TXLNB: variants seen among roughly 807,000 people sequenced by gnomAD.
TXLNB encodes taxilin beta.
In TXLNB, 37 loss-of-function variants were observed where a neutral mutation model predicts 57.4. The ratio of observed to expected loss-of-function variants is 0.64; its 90% CI spans 0.50 to 0.85. The LOEUF is 0.85. TXLNB is among the 40% of genes least tolerant of loss of function. The pLI, the probability that TXLNB is intolerant of heterozygous loss-of-function variation, is 0.00. For missense variants in TXLNB, 848 were observed against 825.6 expected (o/e 1.03, Z -0.33); for synonymous variants, 302 against 309.6 (o/e 0.98, Z 0.26).
At chr6:139,255,401 T>C (rs1301183578) in intron 7 of TXLNB, 163 bp downstream of exon 7, 4 of 695,980 alleles carry the variant, frequency 5.7e-6, no homozygotes, top group Non-Finnish European at 1.1e-5. Flanking sequence ...GCTTTTATTT[T>C]TACTTGAAAA....
rs6904970 is a variant in TXLNB at position 139,260,324 on chromosome 6, C to G, written c.996G>C (p.Lys332Asn). 6 of 1,613,978 alleles carry G rather than the reference C, an allele frequency of 3.7e-6. No individual in the cohort carries two copies. The highest frequency in any genetic ancestry group is 4.2e-6 in the Non-Finnish European group (5 of 1,179,988). The stretch of plus-strand genomic sequence containing the variant: ...CGACTAAAATGATAAATACATATTC[C>G]TTTTCTCGTTTGTGTCGCTCCTCCG... ...KEAEERHKRE[K>N]EYLLNQAAEW... Residue 332 changes from lysine (K) to asparagine (N), a missense_variant, in exon 6 of 10, where the codon AAG (lysine) becomes AAC (asparagine). Coordinates refer to ENST00000358430, the MANE Select transcript of TXLNB (RefSeq NM_153235.4).
the TXLNB span, among the ~76,000 whole-genome samples, chr6:139,230,486 C>T: frequency 6.6e-6 from 1 of 152,230 alleles, no homozygotes; most frequent in Non-Finnish European, 1.5e-5. Flanking sequence ...CCAAGGACGT[C>T]ACCCTAGTTA....
intron 7 of TXLNB, chr6:139,251,560 G>C (rs990765383): frequency 6.6e-6 from 1 of 152,184 alleles, no homozygotes; most frequent in Non-Finnish European, 1.5e-5. Flanking sequence ...CATATTCCCA[G>C]TCTCACTTTG....
chr6:139,198,298 G>T, the TXLNB span, among the ~76,000 whole-genome samples: 1 of 151,928 alleles, frequency 6.6e-6, no homozygotes, highest in East Asian at 1.9e-4. Flanking sequence ...GGCTGCTGGG[G>T]AACTTCTTAA....
rs1042222322 is a variant in TXLNB, at chr6:139,276,871, C to A, written c.475G>T (p.Glu159Ter). The A allele has an allele frequency of 6.9e-6, 11 of 1,600,488 alleles. No individual in the cohort carries two copies. Among genetic ancestry groups the A allele is most frequent in the Non-Finnish European group, 6.8e-6 (8 of 1,175,928 alleles). ...MQNLNKLQTP[E>*]EKFDFLFKKY... ...TTGAATAAAAAATCAAACTTTTCTT[C>A]CGGTGTTTGCAACTTGTTCAGATTT... Residue 159 changes from glutamate to a stop codon, truncating the protein, a stop_gained, in exon 3 of 10, where the codon GAA (glutamate) becomes TAA (stop). Transcript: ENST00000358430. LOFTEE classifies it high-confidence loss of function.
the TXLNB span, among the ~76,000 whole-genome samples, chr6:139,204,630 C>G: frequency 6.6e-6 from 1 of 152,130 alleles, no homozygotes; most frequent in Non-Finnish European, 1.5e-5. Flanking sequence ...AGCACAGGAG[C>G]TAGGCACCTG....
chr6:139,304,305 AG>A, the TXLNB span, among the ~76,000 whole-genome samples: 1 of 152,250 alleles, frequency 6.6e-6, no homozygotes, highest in Non-Finnish European at 1.5e-5. Context: ...TGAGAATATC[AG>A]TAGAAAGACT....
chr6:139,293,987 A>T (rs969226985), upstream of TXLNB, among the ~76,000 whole-genome samples: 6 of 152,202 alleles, frequency 3.9e-5, no homozygotes, highest in Non-Finnish European at 7.3e-5. Flanking sequence ...TTTCAAATTT[A>T]AATAATGTAT....
At chr6:139,310,062 G>A in the TXLNB span, among the ~76,000 whole-genome samples, 1 of 152,124 alleles carries the variant, frequency 6.6e-6, no homozygotes, top group Non-Finnish European at 1.5e-5. Flanking sequence ...CTTGACATTG[G>A]CCTTGGCAAT....
chr6:139,176,352 G>T, the TXLNB span, among the ~76,000 whole-genome samples: 3 of 152,150 alleles, frequency 2.0e-5, no homozygotes, highest in Non-Finnish European at 4.4e-5. This position sits in a 1 kb window ranked among gnomAD's most constrained non-coding sequence, Gnocchi z 4.5. Context: ...AGTCTAAATT[G>T]AGTCTGTTTT....
chr6:139,227,431 T>C, the TXLNB span, among the ~76,000 whole-genome samples: 1 of 152,084 alleles, frequency 6.6e-6, no homozygotes, highest in African/African-American at 2.4e-5. Flanking sequence ...ATACATGATG[T>C]GTGGGGAGGA....
chr6:139,166,684 G>A, the TXLNB span: 1 of 1,613,582 alleles, frequency 6.2e-7, no homozygotes, highest in Non-Finnish European at 8.5e-7. Context: ...AGGCAAAAAA[G>A]TGCAGGCCCC....
chr6:139,211,240 G>A, the TXLNB span, among the ~76,000 whole-genome samples: 238 of 152,324 alleles, frequency 1.6e-3, no homozygotes, highest in African/African-American at 5.3e-3. Flanking sequence ...GAGTAGGGGC[G>A]GACTGACACC....
upstream of TXLNB, among the ~76,000 whole-genome samples, chr6:139,294,500 A>G (rs1177950605): frequency 6.6e-6 from 1 of 151,792 alleles, no homozygotes. Context: ...GCCTTTGGGA[A>G]GTGATTAGAT....
the TXLNB span, among the ~76,000 whole-genome samples, chr6:139,197,128 C>T: frequency 6.6e-6 from 1 of 152,126 alleles, no homozygotes; most frequent in African/African-American, 2.4e-5. Flanking sequence ...CTGTTCTACT[C>T]TCCCTTCAGT....
the TXLNB span, among the ~76,000 whole-genome samples, chr6:139,164,216 C>T: frequency 6.6e-6 from 1 of 152,184 alleles, no homozygotes; most frequent in African/African-American, 2.4e-5. Flanking sequence ...ACCAGGGGAG[C>T]TTTCTAGAGC....
the TXLNB span, among the ~76,000 whole-genome samples, chr6:139,189,952 C>T: frequency 2.6e-5 from 4 of 152,188 alleles, no homozygotes; most frequent in Non-Finnish European, 5.9e-5. Context: ...TACTATAGGG[C>T]TGTGCCCATT....
At chr6:139,244,791 A>G (rs1776033333) in intron 8 of TXLNB, 101 bp from the exon 9 acceptor site, 1 of 737,914 alleles carries the variant, frequency 1.4e-6, no homozygotes, top group African/African-American at 1.8e-5. Context: ...TTTTGTTACC[A>G]GATGCTGAAG....
At position 139,243,212 on chromosome 6, in the gene TXLNB, T is replaced by C; in HGVS notation, c.1369A>G (p.Lys457Glu). Residue 457 changes from lysine (K) to glutamate (E), a missense_variant, in exon 10 of 10, where the codon AAA becomes GAA. Lys to Glu is a moderately conservative substitution (Grantham distance 56). Coordinates refer to ENST00000358430, the MANE Select transcript of TXLNB (RefSeq NM_153235.4). ...TCAGATATTTCTGCGTCTCTGATTTTTTTGTGGAGTTCGTTTCTCTCTTCT... is the reference window on the plus strand; with the variant it reads ...TCAGATATTTCTGCGTCTCTGATTTCTTTGTGGAGTTCGTTTCTCTCTTCT... The part of the protein sequence containing the change: ...LQEERNELHK[K>E]IRDAEISEKD... The C allele has an allele frequency of 6.2e-7, 1 of 1,614,202 alleles. No individual in the cohort carries two copies. The highest frequency in any genetic ancestry group is 8.5e-7 in the Non-Finnish European group (1 of 1,180,044).
Sources: allele counts gnomAD v4.1 joint callset (sites outside exome capture counted in the v4.1 genomes callset), GRCh38; gene constraint gnomAD v4.1.1; non-coding constraint Gnocchi (gnomAD v3.1); transcripts MANE v1.5; gene names NCBI Gene and HGNC (gene_info 2026-07-23, HGNC 2026-07-21).